Variants in CFAP61 observed in about 807,000 individuals in gnomAD.
The protein encoded by CFAP61 is cilia and flagella associated protein 61.
In CFAP61, 107 loss-of-function variants were observed where a neutral mutation model predicts 135.6. The observed-to-expected ratio is 0.79, with a 90% confidence interval of 0.67 to 0.93. The LOEUF is 0.93. CFAP61 is among the 40% of genes least tolerant of loss of function. The probability of loss-of-function intolerance (pLI) is 0.00; values close to 1 mark genes in which losing one functional copy is unlikely to be tolerated. For missense variants in CFAP61, 1,507 were observed against 1,556.2 expected, an observed-to-expected ratio of 0.97 and a Z score of 0.53; for synonymous variants, 575 against 578.5, an observed-to-expected ratio of 0.99 and a Z score of 0.09.
rs921438907 is a variant in CFAP61, at chr20:20,074,808, A to G, written c.372-381A>G. 4.6e-5 allele frequency among the ~76,000 whole-genome samples: 7 copies of G among 152,328 alleles called. 1 individual carries two copies. Among genetic ancestry groups the G allele is most frequent in the Admixed American group, 2.6e-4 (4 of 15,304 alleles). ...CGAGTCATGGCGATGTGTCTCTGAC[A>G]GCCTCTGACAGCCTGCACAGACATT... On this transcript the variant is annotated intron_variant, in intron 4 of 26. Coordinates refer to ENST00000245957, the MANE Select transcript of CFAP61 (RefSeq NM_015585.4).
intron 20 of CFAP61, chr20:20,259,707 G>A (rs1247176489): frequency 1.3e-5 from 2 of 152,088 alleles, no homozygotes; most frequent in Admixed American, 1.3e-4. Flanking sequence ...CCTCATCCAA[G>A]GACTCCTGCT....
chr20:20,077,795 G>C (rs1195257006), intron 6 of CFAP61, among the ~76,000 whole-genome samples: 1 of 150,458 alleles, frequency 6.6e-6, no homozygotes, highest in Non-Finnish European at 1.5e-5. Context: ...ATGAGGGAGT[G>C]TCTGGGTTAA....
intron 13 of CFAP61, 131 bp from the exon 14 acceptor site, chr20:20,187,799 C>T: frequency 1.7e-5 from 11 of 654,984 alleles, no homozygotes; most frequent in South Asian, 7.3e-5. Flanking sequence ...TTACTCAAAC[C>T]CCAGTGTTAT....
chr20:20,074,496 T>C (rs2045928352), intron 4 of CFAP61, 118 bp downstream of exon 4: 1 of 794,306 alleles, frequency 1.3e-6, no homozygotes, highest in Non-Finnish European at 2.1e-6. Context: ...AATTTGTGGC[T>C]ATATTAAAAT....
chr20:20,251,565 A>G lies in CFAP61; in HGVS notation c.2160-30A>G, dbSNP rs764810006. The stretch of plus-strand genomic sequence containing the variant: ...TTAATGCCCGCTGTCAGCTGCTCAG[A>G]TGTCACTTACGGAGCTTCTCTCTTT... On this transcript the variant is annotated intron_variant, in intron 19 of 26. Transcript: ENST00000245957. 1.1e-5 allele frequency: 17 copies of G among 1,610,152 alleles called. No homozygotes were observed. In the Admixed American group the frequency reaches 2.7e-4, roughly 25 times the overall value.
At chr20:20,329,970 C>A (rs2057921623) in intron 25 of CFAP61, among the ~76,000 whole-genome samples, 1 of 152,224 alleles carries the variant, frequency 6.6e-6, no homozygotes, top group African/African-American at 2.4e-5. Context: ...GCTGTCAGAG[C>A]ACCTCTGGAT....
chr20:20,079,807 G>A (rs1270009853), intron 6 of CFAP61, among the ~76,000 whole-genome samples: 1 of 152,070 alleles, frequency 6.6e-6, no homozygotes, highest in Non-Finnish European at 1.5e-5. Context: ...CAAGCCAAAG[G>A]CAGTCTGAAG....
At chr20:20,267,333 C>T (rs6081943) in intron 21 of CFAP61, among the ~76,000 whole-genome samples, 41,231 of 152,088 alleles carry the variant, frequency 0.27, 6,012 homozygotes, top group Middle Eastern at 0.33. Context: ...ACTGGCGGGC[C>T]GCAAGCACCC....
At position 20,179,851 on chromosome 20, in the gene CFAP61, A is replaced by C. The variant is rs2054916757; in HGVS notation, c.1386-8079A>C. 2.6e-5 allele frequency among the ~76,000 whole-genome samples: 4 copies of C among 152,208 alleles called. No individual in the cohort carries two copies. The South Asian group carries it at 8.3e-4, about 32-fold the overall frequency. ...GCAGAAGACTGAAACTGGACACCTT[A>C]CTTACACCATATACAAAAATTAACT... On this transcript the variant is annotated intron_variant, in intron 13 of 26. Coordinates refer to ENST00000245957, the MANE Select transcript of CFAP61 (RefSeq NM_015585.4).
At chr20:20,211,634 C>T (rs906153313) in intron 17 of CFAP61, among the ~76,000 whole-genome samples, 7 of 152,174 alleles carry the variant, frequency 4.6e-5, no homozygotes, top group Admixed American at 1.3e-4. Flanking sequence ...CCATTTGGTC[C>T]GTCGAAACCC....
At chr20:20,253,477 AC>A (rs139041757) in intron 20 of CFAP61, 34,022 of 387,038 alleles carry the variant, frequency 0.088, 1,777 homozygotes, top group Middle Eastern at 0.13. Context: ...GAGTCTGGCC[AC>A]ACATCTTGGG....
At chr20:20,292,062 A>T (rs571367521) in intron 24 of CFAP61, among the ~76,000 whole-genome samples, 1 of 152,306 alleles carries the variant, frequency 6.6e-6, no homozygotes, top group Non-Finnish European at 1.5e-5. Flanking sequence ...AAATCCTTAA[A>T]TGGGGGCCTA....
At chr20:20,162,892 AC>A in intron 10 of CFAP61, among the ~76,000 whole-genome samples, 1 of 152,316 alleles carries the variant, frequency 6.6e-6, no homozygotes, top group Non-Finnish European at 1.5e-5. Context: ...GTAAATACTT[AC>A]GGATTTAACC....
At chr20:20,083,516 A>G (rs1285946965) in intron 6 of CFAP61, among the ~76,000 whole-genome samples, 1 of 152,174 alleles carries the variant, frequency 6.6e-6, no homozygotes, top group East Asian at 1.9e-4. Flanking sequence ...AAATAGATGA[A>G]AAAAACATTC....
chr20:20,145,522 A>G (rs2051806594), intron 9 of CFAP61, among the ~76,000 whole-genome samples: 1 of 152,238 alleles, frequency 6.6e-6, no homozygotes, highest in South Asian at 2.1e-4. Context: ...AAACCTAAGT[A>G]TACAATAATT....
At chr20:20,124,566 T>C (rs890874803) in intron 8 of CFAP61, among the ~76,000 whole-genome samples, 1 of 151,890 alleles carries the variant, frequency 6.6e-6, no homozygotes, top group Non-Finnish European at 1.5e-5. Flanking sequence ...TGATAAGCCA[T>C]CCCTGCATCC....
intron 13 of CFAP61, among the ~76,000 whole-genome samples, chr20:20,182,586 A>C (rs906335951): frequency 1.3e-5 from 2 of 152,192 alleles, no homozygotes; most frequent in Non-Finnish European, 2.9e-5. Context: ...GATGTTTAAT[A>C]AATATTTGTG....
At chr20:20,057,788 G>A (rs1255358896) in intron 2 of CFAP61, among the ~76,000 whole-genome samples, 1 of 152,102 alleles carries the variant, frequency 6.6e-6, no homozygotes, top group African/African-American at 2.4e-5. Flanking sequence ...TGCGATCTCG[G>A]CTCACTGCAA....
intron 25 of CFAP61, among the ~76,000 whole-genome samples, chr20:20,340,543 G>A (rs2058400819): frequency 6.6e-6 from 1 of 152,248 alleles, no homozygotes; most frequent in South Asian, 2.1e-4. Flanking sequence ...GACGATGAAG[G>A]GTCCCCGACG....
Sources: allele counts gnomAD v4.1 joint callset (sites outside exome capture counted in the v4.1 genomes callset), GRCh38; gene constraint gnomAD v4.1.1; transcripts MANE v1.5; gene names NCBI Gene and HGNC (gene_info 2026-07-23, HGNC 2026-07-21).